The following RUBCN variants were observed in gnomAD, a reference collection of about 807,000 sequenced individuals.
RUBCN encodes run domain Beclin-1-interacting and cysteine-rich domain-containing protein.
RUBCN carries 74 observed loss-of-function variants against 113.2 expected under a neutral mutation model. That is an observed-to-expected ratio of 0.65 (90% CI 0.54 to 0.79). The LOEUF is 0.79. RUBCN is among the 30% of genes least tolerant of loss of function. RUBCN has a pLI of 0.00. For missense variants in RUBCN, 1,109 were observed against 1,251.7 expected, an observed-to-expected ratio of 0.89 and a Z score of 1.72; for synonymous variants, 480 against 490.0, an observed-to-expected ratio of 0.98 and a Z score of 0.27.
rs1722982888 is a variant in RUBCN at position 197,696,224 on chromosome 3, T to C, written c.1358-243A>G. On this transcript the variant is annotated intron_variant, in intron 8 of 19. Transcript: ENST00000296343. The stretch of plus-strand genomic sequence containing the variant: ...CCATCTCTACTAAAAATACAAAAAT[T>C]AGCTGGGCATGGTGGCACATGCCTG... 2.6e-5 allele frequency among the ~76,000 whole-genome samples: 4 copies of C among 152,008 alleles called. No homozygotes were observed. In the South Asian group the frequency reaches 6.2e-4, roughly 24 times the overall value.
chr3:197,700,005 C>T lies in RUBCN; in HGVS notation c.1261+608G>A, dbSNP rs191568029. Among the ~76,000 whole-genome samples, 291 of 152,208 alleles carry T rather than the reference C, an allele frequency of 1.9e-3. 2 individuals carry two copies. The highest frequency in any genetic ancestry group is 4.1e-4 in the Non-Finnish European group (28 of 68,008). On this transcript the variant is annotated intron_variant, in intron 7 of 19. Coordinates refer to ENST00000296343, the MANE Select transcript of RUBCN (RefSeq NM_014687.4). ...CAGGGAGATGGCAAAAGCAAGGAGC[C>T]CCACCTTCCCCACGAGTAGGCTGCC...
chr3:197,715,178 A>C (rs1345182426), intron 2 of RUBCN, among the ~76,000 whole-genome samples: 1 of 151,416 alleles, frequency 6.6e-6, no homozygotes, highest in African/African-American at 2.4e-5. Flanking sequence ...AATCCCAGCT[A>C]CTCGGGAGGC....
intron 6 of RUBCN, 50 bp from the exon 7 acceptor site, chr3:197,701,196 T>G (rs769729878): frequency 6.9e-7 from 1 of 1,449,988 alleles, no homozygotes; most frequent in Non-Finnish European, 9.2e-7. Context: ...GGTGGAATCC[T>G]GCAGTATGTA....
intron 11 of RUBCN, among the ~76,000 whole-genome samples, chr3:197,691,311 A>G (rs1476287828): frequency 1.3e-5 from 2 of 152,180 alleles, no homozygotes; most frequent in East Asian, 3.8e-4. Context: ...TCTAGCTTGG[A>G]GGAGAGTTAC....
At chr3:197,688,603 A>T (rs2108869053) in intron 11 of RUBCN, among the ~76,000 whole-genome samples, 1 of 152,378 alleles carries the variant, frequency 6.6e-6, no homozygotes, top group South Asian at 2.1e-4. Flanking sequence ...CTACAAAGGA[A>T]GATAAAGAAA....
chr3:197,689,443 C>A (rs984128254), intron 11 of RUBCN, among the ~76,000 whole-genome samples: 1 of 152,176 alleles, frequency 6.6e-6, no homozygotes, highest in African/African-American at 2.4e-5. Flanking sequence ...GCTAGAAAGA[C>A]CAAATCAAGG....
rs897281108 is a variant in RUBCN, at chr3:197,670,567, C to G, written c.*4451G>C. Among the ~76,000 whole-genome samples, 29 of 152,296 alleles carry G rather than the reference C, an allele frequency of 1.9e-4. 1 individual carries two copies. The highest frequency in any genetic ancestry group is 7.0e-4 in the African/African-American group (29 of 41,572). Reference sequence around the variant, plus strand: ...AACTACACCAGTTTGTAACAATGAACAAAAGGGCCTTAGAACAAAGTGAAG... The same window carrying G: ...AACTACACCAGTTTGTAACAATGAAGAAAAGGGCCTTAGAACAAAGTGAAG... On this transcript the variant is annotated 3_prime_UTR_variant, in exon 20 of 20. Coordinates refer to ENST00000296343, the MANE Select transcript of RUBCN (RefSeq NM_014687.4).
At chr3:197,717,521 A>G (rs1006735219) in intron 2 of RUBCN, among the ~76,000 whole-genome samples, 1 of 152,076 alleles carries the variant, frequency 6.6e-6, no homozygotes, top group Non-Finnish European at 1.5e-5. Flanking sequence ...AGTGGCCAAG[A>G]GCCAAAGAAT....
intron 1 of RUBCN, among the ~76,000 whole-genome samples, chr3:197,718,729 G>A (rs1046181155): frequency 2.0e-5 from 3 of 152,148 alleles, no homozygotes; most frequent in African/African-American, 7.2e-5. Context: ...GTAATCCACT[G>A]CACTCAGCCT....
At chr3:197,714,449 T>C (rs1386183656) in intron 2 of RUBCN, among the ~76,000 whole-genome samples, 2 of 151,984 alleles carry the variant, frequency 1.3e-5, no homozygotes, top group East Asian at 1.9e-4. Context: ...GCCTCCGGAG[T>C]AGCTGAGTCT....
intron 5 of RUBCN, 110 bp from the exon 6 acceptor site, chr3:197,701,974 G>C (rs1723731106): frequency 4.0e-6 from 4 of 989,596 alleles, no homozygotes; most frequent in Non-Finnish European, 6.2e-6. Flanking sequence ...TTTGCAGTAG[G>C]CCTGGACTTT....
At position 197,701,116 on chromosome 3, in the gene RUBCN, C is replaced by A; in HGVS notation, c.758G>T (p.Gly253Val). 1 of 1,568,768 alleles carries A rather than the reference C, an allele frequency of 6.4e-7. No individual in the cohort carries two copies. The highest frequency in any genetic ancestry group is 1.2e-5 in the South Asian group (1 of 84,374). Reference protein sequence around the residue: ...ERRSTSFPLSGPPRKPQESRG... With the variant: ...ERRSTSFPLSVPPRKPQESRG... ...GCTTTCTTGAGGTTTCCGGGGAGGG[C>A]CAGAGAGTGGAAAGGAAGTAGATCT... Residue 253 changes from glycine (G) to valine (V), a missense_variant, in exon 7 of 20, where the codon GGC becomes GTC. Around this residue, in one of 3 missense-constraint regions of RUBCN, gnomAD observed 736 missense variants for 779.6 expected, o/e 0.94. Transcript: ENST00000296343.
chr3:197,712,559 C>A (rs1482082092), intron 2 of RUBCN, among the ~76,000 whole-genome samples: 4 of 152,156 alleles, frequency 2.6e-5, no homozygotes, highest in Non-Finnish European at 5.9e-5. Flanking sequence ...GACTTTAATT[C>A]TCAGATCTTT....
intron 9 of RUBCN, among the ~76,000 whole-genome samples, chr3:197,695,009 T>C: frequency 6.6e-6 from 1 of 152,264 alleles, no homozygotes; most frequent in Admixed American, 6.5e-5. Flanking sequence ...GGAAACAGTA[T>C]TTACCTAAGG....
intron 1 of RUBCN, among the ~76,000 whole-genome samples, chr3:197,731,940 AG>A (rs1245388157): frequency 6.6e-6 from 1 of 152,270 alleles, no homozygotes; most frequent in Non-Finnish European, 1.5e-5. Context: ...AAGAAAAATT[AG>A]GAACAGAATT....
chr3:197,729,607 G>A (rs1158463995), intron 1 of RUBCN, among the ~76,000 whole-genome samples: 1 of 151,898 alleles, frequency 6.6e-6, no homozygotes, highest in Non-Finnish European at 1.5e-5. Context: ...TGCCCAGGGT[G>A]GAGTGCAGTG....
intron 1 of RUBCN, among the ~76,000 whole-genome samples, chr3:197,733,282 A>G (rs1189909380): frequency 2.6e-5 from 4 of 152,136 alleles, no homozygotes; most frequent in African/African-American, 9.7e-5. Context: ...AGACTGGCCT[A>G]GGCAACATGG....
At chr3:197,699,316 C>T (rs989390957) in intron 7 of RUBCN, 1 of 1,017,138 alleles carries the variant, frequency 9.8e-7, no homozygotes, top group African/African-American at 1.6e-5. Context: ...CTAAATTTTA[C>T]CCAGCAGAAG....
chr3:197,724,878 C>T (rs530145906), intron 1 of RUBCN, among the ~76,000 whole-genome samples: 2 of 152,028 alleles, frequency 1.3e-5, no homozygotes, highest in Admixed American at 6.6e-5. Context: ...CTGAGACTAG[C>T]GATTAATAGA....
Sources: allele counts gnomAD v4.1 joint callset (sites outside exome capture counted in the v4.1 genomes callset), GRCh38; gene constraint gnomAD v4.1.1; regional missense constraint gnomAD v4.1.1; transcripts MANE v1.5; gene names NCBI Gene and HGNC (gene_info 2026-07-23, HGNC 2026-07-21).